LMNB2: variants seen among roughly 807,000 people sequenced by gnomAD.
The protein encoded by LMNB2 is lamin-B2.
In LMNB2, 17 loss-of-function variants were observed where a neutral mutation model predicts 69.3. The observed-to-expected ratio is 0.25, with a 90% confidence interval of 0.17 to 0.37. The LOEUF (loss-of-function observed/expected upper bound fraction) is 0.37, where lower values mean the gene tolerates loss of function less well. Among genes scored for constraint, LMNB2 ranks in the 10% least tolerant of loss-of-function variants. LMNB2 has a pLI of 1.00. For synonymous variants in LMNB2, 397 were observed against 389.3 expected, an observed-to-expected ratio of 1.02 and a Z score of -0.23; for missense variants, 789 against 883.6, an observed-to-expected ratio of 0.89 and a Z score of 1.36.
Position 2,433,820 on chromosome 19 carries a change from G to T in LMNB2, c.1482+6C>A. 1 of 1,613,082 alleles carries T rather than the reference G, an allele frequency of 6.2e-7. No homozygotes were observed. The highest frequency in any genetic ancestry group is 8.5e-7 in the Non-Finnish European group (1 of 1,179,852). ...GTTACCCCCATGCCCCGGTCTTTCC[G>T]GTCACCTTGTCCGAGTTGTTCTTGA... On this transcript the variant is annotated splice_donor_region_variant and intron_variant, in intron 8 of 11. Coordinates refer to ENST00000325327, the MANE Select transcript of LMNB2 (RefSeq NM_032737.4).
intron 8 of LMNB2, among the ~76,000 whole-genome samples, chr19:2,433,543 C>T (rs1263841509): frequency 1.1e-5 from 1 of 89,928 alleles, no homozygotes; most frequent in Non-Finnish European, 2.1e-5. Flanking sequence ...CCGACGGCCC[C>T]GTCACCCTGA....
In LMNB2 at chr19:2,444,498, C is replaced by G; in HGVS notation, c.307G>C (p.Ala103Pro). 1 of 1,613,122 alleles carries G rather than the reference C, an allele frequency of 6.2e-7. No individual in the cohort carries two copies. The highest frequency in any genetic ancestry group is 8.5e-7 in the Non-Finnish European group (1 of 1,180,036). ...KALYESELADARRVLDETARE... is the reference protein window; with the variant it reads ...KALYESELADPRRVLDETARE... Reference sequence around the variant, plus strand: ...GCCGTCTCATCCAGGACTCTCCGGGCATCGGCCAGCTCCGACTCGTACAGC... The same window carrying G: ...GCCGTCTCATCCAGGACTCTCCGGGGATCGGCCAGCTCCGACTCGTACAGC... Residue 103 changes from alanine to proline, a missense_variant, in exon 2 of 12, where the codon GCC becomes CCC. Physicochemically the swap from Ala to Pro is conservative, Grantham distance 27. Around this residue, in one of 3 missense-constraint regions of LMNB2, gnomAD observed 145 missense variants for 228.9 expected, o/e 0.63. Transcript: ENST00000325327.
chr19:2,440,717 TACTCATCCATCCATCCATCCATCTATCC>T (rs1471237963), intron 2 of LMNB2, among the ~76,000 whole-genome samples: 2 of 151,286 alleles, frequency 1.3e-5, no homozygotes, highest in Non-Finnish European at 2.9e-5. Flanking sequence ...TTCATCCATC[TACTCATCCATCCATCCATCCATCTATCC>T]ACTCATCCAT....
chr19:2,435,416 G>A (rs888337041), intron 4 of LMNB2, among the ~76,000 whole-genome samples: 2 of 152,212 alleles, frequency 1.3e-5, no homozygotes, highest in Non-Finnish European at 2.9e-5. Flanking sequence ...CCTTGAGGAC[G>A]TCACACTCAA....
intron 8 of LMNB2, 53 bp downstream of exon 8, chr19:2,433,773 C>A (rs1311836425): frequency 7.9e-6 from 11 of 1,387,952 alleles, no homozygotes; most frequent in South Asian, 3.5e-5. Flanking sequence ...ACCCTGGTCA[C>A]CCCCATCAGC....
chr19:2,452,398 C>T (rs1972032641), intron 1 of LMNB2, among the ~76,000 whole-genome samples: 1 of 151,480 alleles, frequency 6.6e-6, no homozygotes, highest in East Asian at 1.9e-4. Flanking sequence ...CACGCCACTG[C>T]ACACCAGCCT....
At chr19:2,454,064 A>T (rs2145476115) in intron 1 of LMNB2, among the ~76,000 whole-genome samples, 2 of 152,192 alleles carry the variant, frequency 1.3e-5, no homozygotes, top group Non-Finnish European at 2.9e-5. Flanking sequence ...AGGCCGAGGC[A>T]GGCAGATCAC....
At chr19:2,456,532 C>G (rs914751560) in intron 1 of LMNB2, 138 bp downstream of exon 1, 1 of 967,662 alleles carries the variant, frequency 1.0e-6, no homozygotes, top group African/African-American at 1.8e-5. Context: ...AGGGGCCCCC[C>G]GAAACCCCGC....
At chr19:2,431,060 A>G in intron 11 of LMNB2, 108 bp from the exon 12 acceptor site, 1 of 750,448 alleles carries the variant, frequency 1.3e-6, no homozygotes, top group Non-Finnish European at 2.4e-6. Flanking sequence ...CTGAGCAACA[A>G]CAGTGTCTAT....
Position 2,430,487 on chromosome 19 carries a change from C to G in LMNB2, c.*424G>C, listed in dbSNP as rs1971726102. On this transcript the variant is annotated 3_prime_UTR_variant, in exon 12 of 12. Transcript: ENST00000325327. ...GCCCCACCAGGTCGACGCCTGGATT[C>G]TGAATTTGGTTTTGTAGAAAGCCTT... The G allele has an allele frequency of 6.9e-6, 2 of 291,530 alleles. No homozygotes were observed. The highest frequency in any genetic ancestry group is 4.7e-5 in the Admixed American group (1 of 21,440). The allele number at this position is 291,530 out of a possible 1,614,324, so 18.1% of individuals were successfully genotyped here. A position where few individuals can be genotyped will look rare whatever the true frequency, so the allele number is the denominator to read the frequency against.
At position 2,453,789 on chromosome 19, in the gene LMNB2, C is replaced by G. The variant is rs1972057642; in HGVS notation, c.264+2881G>C. 6.6e-6 allele frequency among the ~76,000 whole-genome samples: 1 copy of G among 152,152 alleles called. No homozygotes were observed. The highest frequency in any genetic ancestry group is 2.4e-5 in the African/African-American group (1 of 41,440). On this transcript the variant is annotated intron_variant, in intron 1 of 11. Transcript: ENST00000325327. The surrounding 1 kb of genome is among the most constrained non-coding windows in gnomAD (Gnocchi z 4.4). ...CTGGGGCTGGTACCTCCCCAGCACT[C>G]ACCAGGCCCTGCACCCTCAAAGCTC...
At chr19:2,435,299 A>C in intron 4 of LMNB2, 128 bp from the exon 5 acceptor site, 1 of 1,319,114 alleles carries the variant, frequency 7.6e-7, no homozygotes, top group Non-Finnish European at 1.0e-6. Flanking sequence ...CAAGTTACAA[A>C]CCGATACACG....
At chr19:2,456,638 C>T (rs749957359) in intron 1 of LMNB2, 32 bp downstream of exon 1, 16 of 1,453,580 alleles carry the variant, frequency 1.1e-5, no homozygotes, top group South Asian at 1.3e-5. Flanking sequence ...GCCGGCTGCA[C>T]CCCCGCCCGG....
intron 6 of LMNB2, 124 bp from the exon 7 acceptor site, chr19:2,434,639 G>A: frequency 6.7e-7 from 1 of 1,496,490 alleles, no homozygotes; most frequent in Non-Finnish European, 9.0e-7. Context: ...TGGGCATGGG[G>A]CGCACGGGAG....
chr19:2,455,546 C>A (rs1972077467), intron 1 of LMNB2, among the ~76,000 whole-genome samples: 1 of 152,096 alleles, frequency 6.6e-6, no homozygotes, highest in African/African-American at 2.4e-5. Context: ...ACCCCCATGG[C>A]CCCAAAATGC....
In LMNB2 at chr19:2,430,956, C is replaced by CAGGA. The variant is rs542821471; in HGVS notation, c.1822-8_1822-5dup. ...TTGAGGTGGTCCTCGGGTCCCCCTGCAGGAAGGAAGGAAGGAAGGTCGGCC... is the reference window on the plus strand; with the variant it reads ...TTGAGGTGGTCCTCGGGTCCCCCTGCAGGAAGGAAGGAAGGAAGGAAGGTCGGCC... On this transcript the variant is annotated splice_region_variant and splice_polypyrimidine_tract_variant and intron_variant, in intron 11 of 11. Transcript: ENST00000325327. 343 of 1,607,312 alleles carry CAGGA rather than the reference C, an allele frequency of 2.1e-4. No homozygotes were observed. The highest frequency in any genetic ancestry group is 3.5e-4 in the Middle Eastern group (2 of 5,692).
At chr19:2,438,896 G>A (rs1233190487) in intron 2 of LMNB2, among the ~76,000 whole-genome samples, 2 of 152,184 alleles carry the variant, frequency 1.3e-5, no homozygotes, top group Non-Finnish European at 2.9e-5. Context: ...AGCCTTGTTT[G>A]TAAACTTAAG....
chr19:2,455,818 C>T (rs1366835465), intron 1 of LMNB2, among the ~76,000 whole-genome samples: 1 of 151,664 alleles, frequency 6.6e-6, no homozygotes, highest in Non-Finnish European at 1.5e-5. Flanking sequence ...GGGTCTCCCC[C>T]TGGAGATCCC....
chr19:2,435,153 G>A lies in LMNB2; in HGVS notation c.703C>T (p.Arg235Trp), dbSNP rs753034379. 3.7e-6 allele frequency: 6 copies of A among 1,603,408 alleles called. No individual in the cohort carries two copies. Among genetic ancestry groups the A allele is most frequent in the Admixed American group, 1.7e-5 (1 of 59,968 alleles). Residue 235 changes from arginine (R) to tryptophan (W), a missense_variant, in exon 5 of 12, where the codon CGG becomes TGG. Arg to Trp is a moderately radical substitution (Grantham distance 101). Transcript: ENST00000325327. ...TCCACCAGGCGCCGCTCGTGCCGCC[G>A]CCGCGTCTCCCGCACCTCCTGCGGA... is the stretch of plus-strand genomic sequence containing the variant. ...VFEEEVRETR[R>W]RHERRLVEVD... is the part of the protein sequence containing the mutation.
Sources: gnomAD v4.1 joint callset for allele counts (sites outside exome capture counted in the v4.1 genomes callset) on GRCh38, gnomAD v4.1.1 for gene constraint, gnomAD v4.1.1 regional missense constraint, Gnocchi (gnomAD v3.1) non-coding constraint, MANE v1.5 for transcripts, NCBI Gene and HGNC (gene_info 2026-07-23, HGNC 2026-07-21) for gene names.